Variants in PATJ observed in about 807,000 individuals in gnomAD.
PATJ encodes the protein PATJ crumbs cell polarity complex component, also known as inaD-like protein.
In PATJ, 190 loss-of-function variants were observed where a neutral mutation model predicts 224.9. The ratio of observed to expected loss-of-function variants is 0.84; its 90% CI spans 0.75 to 0.95. PATJ has a LOEUF of 0.95. Ranked by LOEUF, PATJ falls within the 40% of genes least tolerant of loss-of-function variation. The pLI is 0.00. For missense variants in PATJ, 2,121 were observed against 2,270.3 expected (o/e 0.93, Z 1.34); for synonymous variants, 769 against 820.3 (o/e 0.94, Z 1.07).
At chr1:61,772,899 G>A (rs1364855816) in intron 6 of PATJ, among the ~76,000 whole-genome samples, 1 of 152,198 alleles carries the variant, frequency 6.6e-6, no homozygotes, top group African/African-American at 2.4e-5. Flanking sequence ...ACTGTGCCTG[G>A]TGCTGCATAT....
chr1:61,934,252 G>A (rs950297054), intron 27 of PATJ, among the ~76,000 whole-genome samples: 8 of 152,332 alleles, frequency 5.3e-5, no homozygotes, highest in African/African-American at 1.9e-4. Context: ...CCAAGTAGCT[G>A]GGATTACAGG....
intron 18 of PATJ, 128 bp from the exon 19 acceptor site, chr1:61,861,423 C>T: frequency 2.0e-6 from 1 of 491,822 alleles, no homozygotes; most frequent in Non-Finnish European, 3.6e-6. Flanking sequence ...ATTTACTGCA[C>T]TTATCAACCC....
chr1:61,857,219 T>C (rs1486234340), intron 18 of PATJ, among the ~76,000 whole-genome samples: 1 of 151,690 alleles, frequency 6.6e-6, no homozygotes, highest in Non-Finnish European at 1.5e-5. Context: ...AAAAACTTAA[T>C]GATGATGATT....
rs201723090 is a variant in PATJ, at chr1:62,060,477, C to T, written c.4125+9419C>T. The stretch of plus-strand genomic sequence containing the variant: ...CAAACTCCAGGGCTCAAGCAATCCT[C>T]CTGCCTCAGCCTCCCAAGTAGCTAG... On this transcript the variant is annotated intron_variant, in intron 31 of 43. Coordinates refer to ENST00000642238, the MANE Select transcript of PATJ (RefSeq NM_001350145.3). Among the ~76,000 whole-genome samples the T allele has an allele frequency of 2.6e-5, 4 of 152,220 alleles. No individual in the cohort carries two copies. The East Asian group carries it at 5.8e-4, about 22-fold the overall frequency.
chr1:61,903,231 G>A (rs1004544104), intron 24 of PATJ, among the ~76,000 whole-genome samples: 4 of 152,228 alleles, frequency 2.6e-5, no homozygotes, highest in South Asian at 2.1e-4. Flanking sequence ...ACTTAGGAGA[G>A]AAAGAATGGC....
intron 27 of PATJ, among the ~76,000 whole-genome samples, chr1:61,977,255 T>A (rs535895590): frequency 7.9e-5 from 12 of 151,958 alleles, no homozygotes; most frequent in African/African-American, 2.7e-4. Flanking sequence ...ACCCAGCTAA[T>A]TTTTTTGTAT....
intron 24 of PATJ, among the ~76,000 whole-genome samples, chr1:61,906,139 T>C (rs546861943): frequency 6.6e-6 from 1 of 152,272 alleles, no homozygotes; most frequent in African/African-American, 2.4e-5. Flanking sequence ...TTACCAGTTA[T>C]ACAAAGGTTA....
intron 20 of PATJ, among the ~76,000 whole-genome samples, chr1:61,866,638 A>G (rs368589755): frequency 7.9e-4 from 120 of 152,294 alleles, no homozygotes; most frequent in African/African-American, 2.6e-3. Context: ...TTAAAAAAAA[A>G]AATCCCTCTT....
At chr1:61,839,232 T>C (rs1660700164) in intron 17 of PATJ, among the ~76,000 whole-genome samples, 1 of 152,136 alleles carries the variant, frequency 6.6e-6, no homozygotes, top group Non-Finnish European at 1.5e-5. Flanking sequence ...ATCCATACAG[T>C]AAACTTATTA....
At chr1:62,133,568 G>C (rs775628460) in intron 41 of PATJ, among the ~76,000 whole-genome samples, 1 of 152,086 alleles carries the variant, frequency 6.6e-6, no homozygotes, top group African/African-American at 2.4e-5. Flanking sequence ...TCGAGAGTGA[G>C]ACACCGTCTC....
At chr1:61,751,261 A>G (rs1456190971) in intron 1 of PATJ, among the ~76,000 whole-genome samples, 8 of 151,966 alleles carry the variant, frequency 5.3e-5, no homozygotes, top group African/African-American at 1.4e-4. Context: ...TTGGCCTCCC[A>G]AAGTGCTGGG....
intron 1 of PATJ, among the ~76,000 whole-genome samples, chr1:61,750,264 C>T (rs1005975703): frequency 6.6e-6 from 1 of 152,132 alleles, no homozygotes. Context: ...CCTTTGCACA[C>T]CTTGCTTGGT....
intron 17 of PATJ, among the ~76,000 whole-genome samples, chr1:61,835,471 T>C (rs567365570): frequency 3.3e-5 from 5 of 152,312 alleles, no homozygotes; most frequent in African/African-American, 1.2e-4. Flanking sequence ...TGGTGCGATC[T>C]TGGCTCACTG....
intron 14 of PATJ, among the ~76,000 whole-genome samples, chr1:61,814,015 G>A (rs1250438708): frequency 6.6e-6 from 1 of 151,156 alleles, no homozygotes; most frequent in Non-Finnish European, 1.5e-5. Flanking sequence ...CTTTTAATAT[G>A]CTTTTAAAAA....
chr1:61,836,205 T>G (rs1345957322), intron 17 of PATJ, among the ~76,000 whole-genome samples: 1 of 152,220 alleles, frequency 6.6e-6, no homozygotes. Flanking sequence ...TTGTTCTTCA[T>G]TGCATTCCTG....
chr1:62,148,477 A>AGAAGT (rs1668302666), intron 42 of PATJ, 87 bp downstream of exon 42: 1 of 914,954 alleles, frequency 1.1e-6, no homozygotes, highest in Non-Finnish European at 1.8e-6. Context: ...ACTCTAAAGG[A>AGAAGT]GAAGTGGCCA....
chr1:61,765,065 C>CTT (rs1491546787), intron 3 of PATJ, among the ~76,000 whole-genome samples: 11 of 16,996 alleles, frequency 6.5e-4, no homozygotes, highest in South Asian at 2.5e-3. Context: ...TATTGACATT[C>CTT]ATTTTTTTTT....
intron 41 of PATJ, among the ~76,000 whole-genome samples, chr1:62,139,840 G>C (rs1667323577): frequency 6.6e-6 from 1 of 151,174 alleles, no homozygotes; most frequent in South Asian, 2.1e-4. Context: ...GCGTGCTGTA[G>C]CCTCAACCTC....
chr1:62,056,940 C>A (rs894604793), intron 31 of PATJ, among the ~76,000 whole-genome samples: 7 of 152,144 alleles, frequency 4.6e-5, no homozygotes, highest in Non-Finnish European at 1.0e-4. Flanking sequence ...AGTTCTCGTT[C>A]CTTAGCCACC....
Sources: allele counts gnomAD v4.1 joint callset (sites outside exome capture counted in the v4.1 genomes callset), GRCh38; gene constraint gnomAD v4.1.1; transcripts MANE v1.5; gene names NCBI Gene and HGNC (gene_info 2026-07-23, HGNC 2026-07-21).